ZNF385D: variants seen among roughly 807,000 people sequenced by gnomAD.
ZNF385D encodes the protein zinc finger protein 385D, also known as zinc finger protein 659.
ZNF385D carries 15 observed loss-of-function variants against 35.8 expected under a neutral mutation model. The observed-to-expected ratio is 0.42, with a 90% CI of 0.28 to 0.64. ZNF385D has a LOEUF of 0.64. Ranked by LOEUF, ZNF385D falls within the 30% of genes least tolerant of loss-of-function variation. ZNF385D has a pLI of 0.23. For synonymous variants in ZNF385D, 212 were observed against 186.8 expected (o/e 1.13, Z -1.10); for missense variants, 474 against 494.6 (o/e 0.96, Z 0.39).
chr3:22,301,002 T>C (rs1023358695), intron 2 of ZNF385D, among the ~76,000 whole-genome samples: 3 of 152,172 alleles, frequency 2.0e-5, no homozygotes, highest in Admixed American at 2.0e-4. Context: ...TCTTTGCAGA[T>C]GTACTCACAA....
At chr3:22,050,690 T>C (rs1032717953) in intron 3 of ZNF385D, among the ~76,000 whole-genome samples, 5 of 152,238 alleles carry the variant, frequency 3.3e-5, no homozygotes, top group African/African-American at 1.2e-4. Flanking sequence ...TCAGCAGTTT[T>C]TAATGAGTTA....
At chr3:21,533,989 T>G (rs1477705827) in intron 3 of ZNF385D, among the ~76,000 whole-genome samples, 1 of 152,114 alleles carries the variant, frequency 6.6e-6, no homozygotes, top group Non-Finnish European at 1.5e-5. Flanking sequence ...ATATCAAATA[T>G]GAAGAGGAAA....
At chr3:21,466,464 T>C (rs989862824) in intron 4 of ZNF385D, among the ~76,000 whole-genome samples, 4 of 152,192 alleles carry the variant, frequency 2.6e-5, no homozygotes, top group African/African-American at 9.6e-5. Context: ...GAAAGTTCTT[T>C]TTCTATGAAG....
At chr3:21,601,572 T>C (rs892009507) in intron 2 of ZNF385D, among the ~76,000 whole-genome samples, 1 of 152,214 alleles carries the variant, frequency 6.6e-6, no homozygotes, top group African/African-American at 2.4e-5. Flanking sequence ...ACTTCTTCAC[T>C]TTTATAAGGT....
At chr3:21,929,394 A>G (rs1252748996) in intron 3 of ZNF385D, among the ~76,000 whole-genome samples, 1 of 152,118 alleles carries the variant, frequency 6.6e-6, no homozygotes, top group African/African-American at 2.4e-5. Context: ...TCTCACCCAA[A>G]GACTGGGAGC....
At chr3:21,422,066 A>C (rs1700765257) in intron 7 of ZNF385D, among the ~76,000 whole-genome samples, 2 of 152,230 alleles carry the variant, frequency 1.3e-5, no homozygotes, top group Non-Finnish European at 2.9e-5. Context: ...AAGCCAGTTC[A>C]TTCTCTGGCT....
intron 3 of ZNF385D, among the ~76,000 whole-genome samples, chr3:21,918,690 T>G (rs1700311614): frequency 6.6e-6 from 1 of 152,200 alleles, no homozygotes; most frequent in South Asian, 2.1e-4. Flanking sequence ...GACATTATTC[T>G]TCTTTGTCTT....
In ZNF385D at chr3:21,425,709, G is replaced by A. The variant is rs376269511; in HGVS notation, c.674-39C>T. The A allele has an allele frequency of 7.5e-5, 110 of 1,467,864 alleles. No individual in the cohort carries two copies. The African/African-American group carries it at 1.3e-3, about 18-fold the overall frequency. 90.9% of individuals were successfully genotyped at this position (1,467,864 alleles called of 1,614,324 possible). A position where few individuals can be genotyped will look rare whatever the true frequency, so the allele number is the denominator to read the frequency against. On this transcript the variant is annotated intron_variant, in intron 5 of 7. Transcript: ENST00000281523. ...TGAAATGAAGGAAGGAAAGGAGGGA[G>A]GAAAGAAGGGAGGGAGAGAAGGAGG...
chr3:21,788,169 C>G (rs889272106), intron 3 of ZNF385D, among the ~76,000 whole-genome samples: 2 of 152,116 alleles, frequency 1.3e-5, no homozygotes, highest in African/African-American at 4.8e-5. Context: ...TATCTTCCAT[C>G]GAGTAGAAAT....
intron 4 of ZNF385D, among the ~76,000 whole-genome samples, chr3:21,453,016 A>G (rs1702556346): frequency 6.6e-6 from 1 of 151,966 alleles, no homozygotes; most frequent in South Asian, 2.1e-4. Context: ...GTGGCATAAG[A>G]ATAGACATAG....
chr3:22,005,521 T>C (rs921165044), intron 3 of ZNF385D, among the ~76,000 whole-genome samples: 1 of 152,106 alleles, frequency 6.6e-6, no homozygotes, highest in Non-Finnish European at 1.5e-5. Context: ...CAAATAAATG[T>C]TAGAGGTGAT....
intron 3 of ZNF385D, among the ~76,000 whole-genome samples, chr3:21,975,005 T>G (rs1023670964): frequency 6.6e-6 from 1 of 152,172 alleles, no homozygotes; most frequent in Non-Finnish European, 1.5e-5. Flanking sequence ...AAGAACAGTT[T>G]GGCAGTTCCT....
intron 3 of ZNF385D, among the ~76,000 whole-genome samples, chr3:21,817,667 G>A (rs558960717): frequency 2.7e-4 from 41 of 152,130 alleles, no homozygotes; most frequent in African/African-American, 9.4e-4. Context: ...TTAAAAAGTT[G>A]GGAAACAACA....
upstream of ZNF385D, chr3:21,751,554 T>A: frequency 1.8e-6 from 1 of 543,840 alleles, no homozygotes; most frequent in Non-Finnish European, 2.3e-6. Context: ...TCTACCAAGT[T>A]AAAACGGCAG....
At chr3:21,782,580 G>C (rs1366121926) in intron 3 of ZNF385D, among the ~76,000 whole-genome samples, 1 of 152,044 alleles carries the variant, frequency 6.6e-6, no homozygotes, top group Non-Finnish European at 1.5e-5. Flanking sequence ...AACCTCTCCA[G>C]ATTTGCTATC....
chr3:21,714,611 GT>G (rs2068240992), intron 1 of ZNF385D, among the ~76,000 whole-genome samples: 1 of 152,128 alleles, frequency 6.6e-6, no homozygotes, highest in Admixed American at 6.5e-5. Flanking sequence ...TGCATCATAA[GT>G]TTTTCCTCCT....
At chr3:21,453,416 A>G (rs1702591119) in intron 4 of ZNF385D, among the ~76,000 whole-genome samples, 1 of 152,014 alleles carries the variant, frequency 6.6e-6, no homozygotes, top group African/African-American at 2.4e-5. Flanking sequence ...AACACTACCA[A>G]AAAGTGAGAA....
intron 3 of ZNF385D, among the ~76,000 whole-genome samples, chr3:21,846,723 A>C (rs988261463): frequency 5.3e-5 from 8 of 151,972 alleles, no homozygotes; most frequent in Non-Finnish European, 8.8e-5. Context: ...CCCTAGCTTT[A>C]GAGAGAGAGG....
chr3:22,235,491 A>C (rs1699128795), intron 2 of ZNF385D, among the ~76,000 whole-genome samples: 2 of 152,096 alleles, frequency 1.3e-5, no homozygotes, highest in Non-Finnish European at 2.9e-5. Context: ...AGTGTGTCCA[A>C]AATACCCAAA....
Sources: allele counts gnomAD v4.1 joint callset (sites outside exome capture counted in the v4.1 genomes callset), GRCh38; gene constraint gnomAD v4.1.1; transcripts MANE v1.5; gene names NCBI Gene and HGNC (gene_info 2026-07-23, HGNC 2026-07-21).